ADGRL2: variants seen among roughly 807,000 people sequenced by gnomAD.
ADGRL2 encodes adhesion G protein-coupled receptor L2, also known as calcium-independent alpha-latrotoxin receptor 2.
ADGRL2 carries 44 observed loss-of-function variants against 157.4 expected under a neutral mutation model. The ratio of observed to expected loss-of-function variants is 0.28; its 90% CI spans 0.22 to 0.36. The LOEUF is 0.36. ADGRL2 is among the 10% of genes least tolerant of loss of function. ADGRL2 has a pLI of 1.00. For missense variants in ADGRL2, 1,510 were observed against 1,768.9 expected (o/e 0.85, Z 2.63); for synonymous variants, 585 against 624.7 (o/e 0.94, Z 0.95).
chr1:81,908,404 C>T (rs1412252487), intron 3 of ADGRL2, among the ~76,000 whole-genome samples: 1 of 152,166 alleles, frequency 6.6e-6, no homozygotes, highest in East Asian at 1.9e-4. Flanking sequence ...TTTACATTTC[C>T]TCCATATCTT....
intron 2 of ADGRL2, among the ~76,000 whole-genome samples, chr1:81,773,902 G>A (rs2086473269): frequency 6.6e-6 from 1 of 152,162 alleles, no homozygotes; most frequent in African/African-American, 2.4e-5. Context: ...GGTCATCGGG[G>A]TGGCCCCAAT....
At chr1:81,722,514 G>A (rs1171137506) in intron 1 of ADGRL2, 7 of 1,558,294 alleles carry the variant, frequency 4.5e-6, no homozygotes, top group Non-Finnish European at 4.4e-6. Flanking sequence ...GACTGTGACA[G>A]AGCCATGAAA....
chr1:81,929,023 T>G (rs1453770275), intron 3 of ADGRL2, among the ~76,000 whole-genome samples: 2 of 152,236 alleles, frequency 1.3e-5, no homozygotes, highest in Admixed American at 1.3e-4. Flanking sequence ...AATAAAGGAT[T>G]GAACTAATTC....
At chr1:81,846,917 G>A (rs1054225559) in intron 2 of ADGRL2, among the ~76,000 whole-genome samples, 3 of 151,586 alleles carry the variant, frequency 2.0e-5, no homozygotes, top group African/African-American at 7.3e-5. Flanking sequence ...TTAAAAAGTT[G>A]GTAAGTAAAG....
intron 3 of ADGRL2, among the ~76,000 whole-genome samples, chr1:81,616,236 A>G (rs922266846): frequency 2.6e-5 from 4 of 152,176 alleles, no homozygotes; most frequent in Non-Finnish European, 4.4e-5. Flanking sequence ...AACTTTTGAA[A>G]CAGAATTTTG....
chr1:81,980,659 A>C, intron 18 of ADGRL2: 1 of 456,838 alleles, frequency 2.2e-6, no homozygotes, highest in Non-Finnish European at 4.0e-6. Context: ...TAGTAAGGGT[A>C]AATTTTTTTT....
chr1:81,651,816 C>T (rs1293182009), intron 3 of ADGRL2, among the ~76,000 whole-genome samples: 1 of 152,146 alleles, frequency 6.6e-6, no homozygotes, highest in Non-Finnish European at 1.5e-5. Context: ...TCATTGTAAC[C>T]TCCAACTCCT....
chr1:81,954,668 C>T (rs1189858766), intron 10 of ADGRL2, among the ~76,000 whole-genome samples: 1 of 152,210 alleles, frequency 6.6e-6, no homozygotes, highest in East Asian at 1.9e-4. Flanking sequence ...TATTCTGTCT[C>T]CCATTAGAGG....
At chr1:81,404,047 C>T (rs541050110) in intron 1 of ADGRL2, among the ~76,000 whole-genome samples, 5 of 151,980 alleles carry the variant, frequency 3.3e-5, no homozygotes, top group South Asian at 2.1e-4. Context: ...CCGTCCACCT[C>T]GGCCTCCCAA....
chr1:81,825,042 G>T (rs544129170), intron 1 of ADGRL2, among the ~76,000 whole-genome samples: 2 of 141,920 alleles, frequency 1.4e-5, no homozygotes, highest in African/African-American at 5.3e-5. Context: ...CAACTTTCTT[G>T]TTGTTAAAAT....
intron 1 of ADGRL2, among the ~76,000 whole-genome samples, chr1:81,364,531 G>A (rs1456984834): frequency 6.6e-6 from 1 of 152,086 alleles, no homozygotes; most frequent in East Asian, 1.9e-4. Flanking sequence ...TACTCAAAAG[G>A]TTAAAACTGC....
At chr1:81,864,270 AT>A (rs1431284703) in intron 2 of ADGRL2, among the ~76,000 whole-genome samples, 3 of 150,984 alleles carry the variant, frequency 2.0e-5, no homozygotes, top group Non-Finnish European at 4.4e-5. Context: ...TTTTTTTTAA[AT>A]GGGGAATTAA....
At chr1:81,699,233 C>T (rs2083508258), upstream of ADGRL2, among the ~76,000 whole-genome samples, 1 of 152,056 alleles carries the variant, frequency 6.6e-6, no homozygotes, top group Non-Finnish European at 1.5e-5. Flanking sequence ...ATTTTTAAGA[C>T]AGGAACATAA....
intron 2 of ADGRL2, among the ~76,000 whole-genome samples, chr1:81,906,265 G>A (rs1237632326): frequency 6.6e-6 from 1 of 152,102 alleles, no homozygotes; most frequent in Non-Finnish European, 1.5e-5. Context: ...AGTTTTCTCT[G>A]AAGAACTGAG....
intron 2 of ADGRL2, among the ~76,000 whole-genome samples, chr1:81,888,584 G>A (rs1003174172): frequency 9.2e-5 from 14 of 152,042 alleles, no homozygotes; most frequent in South Asian, 6.2e-4. Context: ...GACTACAGGC[G>A]CCCGCCACCG....
chr1:81,864,320 T>C (rs1481863998), intron 2 of ADGRL2, among the ~76,000 whole-genome samples: 1 of 150,856 alleles, frequency 6.6e-6, no homozygotes, highest in African/African-American at 2.4e-5. Flanking sequence ...TATATATCAG[T>C]TGGCAAATAC....
chr1:81,434,632 A>G (rs2077377956), intron 1 of ADGRL2, among the ~76,000 whole-genome samples: 1 of 152,328 alleles, frequency 6.6e-6, no homozygotes, highest in African/African-American at 2.4e-5. Context: ...GGAGTGAGGG[A>G]GGATTACAAA....
chr1:81,320,329 A>G (rs1455802266), intron 1 of ADGRL2, among the ~76,000 whole-genome samples: 1 of 152,218 alleles, frequency 6.6e-6, no homozygotes, highest in Non-Finnish European at 1.5e-5. Context: ...AACTTCTTCC[A>G]AACTCCTGTT....
chr1:81,805,730 T>TA (rs5775635), intron 1 of ADGRL2, among the ~76,000 whole-genome samples: 4,737 of 137,498 alleles, frequency 0.034, 125 homozygotes, highest in African/African-American at 0.066. Flanking sequence ...CTTTAGTGGT[T>TA]AAAAAAAAAA....
Sources: allele counts gnomAD v4.1 joint callset (sites outside exome capture counted in the v4.1 genomes callset), GRCh38; gene constraint gnomAD v4.1.1; transcripts MANE v1.5; gene names NCBI Gene and HGNC (gene_info 2026-07-23, HGNC 2026-07-21).